Variants in DRD3 observed in about 807,000 individuals in gnomAD.
DRD3 encodes the protein dopamine receptor D3, also known as D(3) dopamine receptor.
A neutral mutation model predicts 36.3 loss-of-function variants in DRD3; 19 were observed. The ratio of observed to expected loss-of-function variants is 0.52; its 90% CI spans 0.36 to 0.77. The LOEUF (loss-of-function observed/expected upper bound fraction) is 0.77. DRD3 is among the 30% of genes least tolerant of loss of function. The pLI, the probability that DRD3 is intolerant of heterozygous loss-of-function variation, is 0.00. For missense variants in DRD3, 465 were observed against 505.3 expected (o/e 0.92, Z 0.77); for synonymous variants, 195 against 203.7 (o/e 0.96, Z 0.36).
rs1166704705 is a variant in DRD3, at chr3:114,147,505, A to G, written c.436T>C (p.Ser146Pro). 1 of 1,613,952 alleles carries G rather than the reference A, an allele frequency of 6.2e-7. No individual in the cohort carries two copies. The highest frequency in any genetic ancestry group is 8.5e-7 in the Non-Finnish European group (1 of 1,180,026). The change falls in exon 4 of 7, where the codon TCC (serine) becomes CCC (proline). Residue 146 changes from serine to proline, a missense_variant. Coordinates refer to ENST00000383673, the MANE Select transcript of DRD3 (RefSeq NM_000796.6). ...ATCATGAGGGCCACGCGCCGACAGG[A>G]GCTCTGTCCCGTGCCATGCTGGTAG... The part of the protein sequence containing the change: ...VHYQHGTGQS[S>P]CRRVALMITA...
At chr3:114,156,912 T>C (rs76385795) in intron 3 of DRD3, among the ~76,000 whole-genome samples, 5,039 of 147,860 alleles carry the variant, frequency 0.034, 350 homozygotes, top group African/African-American at 0.12. Context: ...TCCTTCCTTC[T>C]TTCCTTCCTT....
chr3:114,155,437 C>T (rs985503970), intron 3 of DRD3, among the ~76,000 whole-genome samples: 2 of 152,030 alleles, frequency 1.3e-5, no homozygotes, highest in Admixed American at 1.3e-4. Context: ...TGTGTATTCT[C>T]GGAGTTTTCC....
intron 3 of DRD3, among the ~76,000 whole-genome samples, chr3:114,150,967 G>A (rs1253846559): frequency 6.6e-6 from 1 of 152,246 alleles, no homozygotes; most frequent in African/African-American, 2.4e-5. Flanking sequence ...ACACCATGCT[G>A]TATGACAAAG....
upstream of DRD3, among the ~76,000 whole-genome samples, chr3:114,182,424 A>G (rs765144120): frequency 4.6e-5 from 7 of 152,154 alleles, no homozygotes; most frequent in Non-Finnish European, 1.0e-4. Context: ...ATTTGTACCA[A>G]ATCACTCATT....
intron 5 of DRD3, among the ~76,000 whole-genome samples, chr3:114,131,998 C>G (rs982534127): frequency 6.6e-6 from 1 of 152,126 alleles, no homozygotes. Flanking sequence ...AAGACTGTGG[C>G]GATTCCTCAT....
intron 1 of DRD3, among the ~76,000 whole-genome samples, chr3:114,185,984 A>G (rs544424062): frequency 1.3e-5 from 2 of 152,286 alleles, no homozygotes; most frequent in South Asian, 2.1e-4. Context: ...CAGGGCTTGC[A>G]TATTTTTTTG....
At chr3:114,179,702 G>T (rs1463835522), upstream of DRD3, among the ~76,000 whole-genome samples, 4 of 151,848 alleles carry the variant, frequency 2.6e-5, no homozygotes, top group Non-Finnish European at 4.4e-5. Context: ...TCCTCTGTTT[G>T]GTCAGTGTGG....
intron 1 of DRD3, among the ~76,000 whole-genome samples, chr3:114,188,069 A>G (rs1475047579): frequency 1.3e-5 from 2 of 152,124 alleles, no homozygotes; most frequent in Non-Finnish European, 2.9e-5. Context: ...CAAGTTTATT[A>G]TTTCGGCTGG....
intron 1 of DRD3, among the ~76,000 whole-genome samples, chr3:114,188,160 G>A (rs1290350441): frequency 6.6e-6 from 1 of 151,418 alleles, no homozygotes; most frequent in Non-Finnish European, 1.5e-5. Flanking sequence ...AAAATCCAGA[G>A]GCAGATGGCT....
intron 3 of DRD3, among the ~76,000 whole-genome samples, chr3:114,156,757 TTCTTTC>T: frequency 9.7e-6 from 1 of 102,798 alleles, no homozygotes; most frequent in Non-Finnish European, 2.2e-5. Flanking sequence ...CTTTCTTTCT[TTCTTTC>T]TTTCTTTCTT....
At chr3:114,176,497 C>T (rs111234843) in intron 1 of DRD3, among the ~76,000 whole-genome samples, 1,842 of 152,092 alleles carry the variant, frequency 0.012, 21 homozygotes, top group Non-Finnish European at 0.02. Context: ...CCCAGCTACT[C>T]GAAAGACTGA....
Position 114,128,815 on chromosome 3 carries a change from CGT to C in DRD3, c.1102_1103del (p.Thr368AspfsTer8). 1 of 1,613,910 alleles carries C rather than the reference CGT, an allele frequency of 6.2e-7. No homozygotes were observed. Among genetic ancestry groups the C allele is most frequent in the Non-Finnish European group, 8.5e-7 (1 of 1,179,986 alleles). ...CGCTATTCACGTAGCCCAGCCATGT[CGT>C]GGCACTGTAAAGCTCTGGGGACACG... is the stretch of plus-strand genomic sequence containing the variant. ...CHVSPELYSATTWLGYVNSAL... is the reference protein window; with the variant it reads ...CHVSPELYSAXTWLGYVNSAL... On this transcript the variant is annotated frameshift_variant, in exon 7 of 7. Coordinates refer to ENST00000383673, the MANE Select transcript of DRD3 (RefSeq NM_000796.6). LOFTEE classifies it high-confidence loss of function.
At chr3:114,156,743 T>TTCTTTTTCTTTCTTTC (rs1286313199) in intron 3 of DRD3, among the ~76,000 whole-genome samples, 1 of 20,688 alleles carries the variant, frequency 4.8e-5, no homozygotes, top group African/African-American at 9.5e-5. Context: ...CTTTCTTTCT[T>TTCTTTTTCTTTCTTTC]TTTCTTTCTT....
At chr3:114,156,722 TTTCTTTCTTTCTTTCTTTCTTTTTC>T (rs2077671783) in intron 3 of DRD3, among the ~76,000 whole-genome samples, 1 of 6,708 alleles carries the variant, frequency 1.5e-4, no homozygotes, top group Non-Finnish European at 7.2e-4. Context: ...CCTGTCTTTC[TTTCTTTCTTTCTTTCTTTCTTTTTC>T]TTTCTTTCTT....
intron 1 of DRD3, among the ~76,000 whole-genome samples, chr3:114,189,090 GT>G (rs2077990109): frequency 6.6e-6 from 1 of 152,124 alleles, no homozygotes; most frequent in African/African-American, 2.4e-5. Context: ...TCTTTACCAT[GT>G]AAAGTAATTA....
In DRD3 at chr3:114,147,333, C is replaced by T. The variant is rs1482934303; in HGVS notation, c.526+82G>A. 12 of 1,531,478 alleles carry T rather than the reference C, an allele frequency of 7.8e-6. No homozygotes were observed. The African/African-American group carries it at 1.5e-4, about 19-fold the overall frequency. 94.9% of individuals were successfully genotyped at this position (1,531,478 alleles called of 1,614,324 possible). A position where few individuals can be genotyped will look rare whatever the true frequency, so the allele number is the denominator to read the frequency against. ...TACACTGACCGGGGGTCAGAAATTGCAGGGCTGAGCACAACTCACAGCCAG... is the reference window on the plus strand; with the variant it reads ...TACACTGACCGGGGGTCAGAAATTGTAGGGCTGAGCACAACTCACAGCCAG... On this transcript the variant is annotated intron_variant, in intron 4 of 6. Transcript: ENST00000383673.
At chr3:114,166,694 C>T (rs1420311283) in intron 2 of DRD3, among the ~76,000 whole-genome samples, 4 of 152,150 alleles carry the variant, frequency 2.6e-5, no homozygotes, top group South Asian at 2.1e-4. Flanking sequence ...CCCTAATGAA[C>T]GTTTAGCTCA....
chr3:114,129,461 T>C (rs562478484), intron 6 of DRD3, among the ~76,000 whole-genome samples: 2 of 152,266 alleles, frequency 1.3e-5, no homozygotes, highest in Non-Finnish European at 2.9e-5. Context: ...CCTTTGTTAC[T>C]AAATCAGTTT....
chr3:114,163,614 T>A (rs1175788353), intron 2 of DRD3, among the ~76,000 whole-genome samples: 1 of 152,184 alleles, frequency 6.6e-6, no homozygotes, highest in African/African-American at 2.4e-5. Context: ...TCTATTCTAA[T>A]ATCATAGGAG....
Sources: gnomAD v4.1 joint callset for allele counts (sites outside exome capture counted in the v4.1 genomes callset) on GRCh38, gnomAD v4.1.1 for gene constraint, MANE v1.5 for transcripts, NCBI Gene and HGNC (gene_info 2026-07-23, HGNC 2026-07-21) for gene names.